MARCHF8: variants seen among roughly 807,000 people sequenced by gnomAD.
MARCHF8 encodes the protein E3 ubiquitin-protein ligase MARCHF8.
MARCHF8 carries 40 observed loss-of-function variants against 51.6 expected under a neutral mutation model. The observed-to-expected ratio is 0.77, with a 90% confidence interval of 0.60 to 1.01. The LOEUF (loss-of-function observed/expected upper bound fraction) is 1.01. MARCHF8 is among the 50% of genes least tolerant of loss of function. MARCHF8 has a pLI of 0.00. For synonymous variants in MARCHF8, 263 were observed against 280.3 expected (o/e 0.94, Z 0.62); for missense variants, 685 against 708.6 (o/e 0.97, Z 0.38).
chr10:45,543,521 G>A (rs764363733), intron 1 of MARCHF8, among the ~76,000 whole-genome samples: 10 of 152,132 alleles, frequency 6.6e-5, no homozygotes, highest in African/African-American at 1.4e-4. Flanking sequence ...GTATCTGGCC[G>A]GGCACGGTGG....
intron 2 of MARCHF8, among the ~76,000 whole-genome samples, chr10:45,517,212 C>T (rs544037885): frequency 2.6e-5 from 4 of 152,178 alleles, no homozygotes; most frequent in East Asian, 3.8e-4. Flanking sequence ...GGACTATACA[C>T]GTGAACAATT....
chr10:45,576,756 T>C (rs1349744181), intron 1 of MARCHF8, among the ~76,000 whole-genome samples: 2 of 147,142 alleles, frequency 1.4e-5, no homozygotes, highest in East Asian at 2.0e-4. Context: ...GCTTCATCTC[T>C]ACTACAAATA....
chr10:45,533,373 T>C (rs2043921286), intron 1 of MARCHF8, 84 bp from the exon 2 acceptor site: 6 of 749,632 alleles, frequency 8.0e-6, no homozygotes, highest in Non-Finnish European at 1.1e-5. Flanking sequence ...TTTATACTTA[T>C]ATTCATATGT....
chr10:45,485,028 GT>G (rs2133062817), intron 3 of MARCHF8, among the ~76,000 whole-genome samples: 1 of 152,342 alleles, frequency 6.6e-6, no homozygotes, highest in African/African-American at 2.4e-5. Context: ...TACTGCAGGA[GT>G]TTAGGAGGCC....
intron 2 of MARCHF8, among the ~76,000 whole-genome samples, chr10:45,529,535 A>G (rs911722169): frequency 1.3e-5 from 2 of 152,170 alleles, no homozygotes; most frequent in Admixed American, 6.5e-5. Context: ...AAAACAGACA[A>G]TCTACAGAAC....
upstream of MARCHF8, among the ~76,000 whole-genome samples, chr10:45,536,392 CAG>C (rs1260064305): frequency 6.6e-6 from 1 of 151,440 alleles, no homozygotes; most frequent in East Asian, 1.9e-4. Flanking sequence ...AAAGGAAAAA[CAG>C]ACAAACTACA....
At chr10:45,578,373 T>C (rs2044513406) in intron 1 of MARCHF8, among the ~76,000 whole-genome samples, 3 of 152,172 alleles carry the variant, frequency 2.0e-5, no homozygotes, top group African/African-American at 7.2e-5. Context: ...ATGATTTTAG[T>C]ATCAAGATAA....
intron 1 of MARCHF8, among the ~76,000 whole-genome samples, chr10:45,578,118 A>C (rs2044510671): frequency 6.6e-6 from 1 of 152,220 alleles, no homozygotes; most frequent in African/African-American, 2.4e-5. Context: ...GAGTAGGCCT[A>C]GAAATAATGA....
At chr10:45,525,251 T>G (rs1372026477) in intron 2 of MARCHF8, among the ~76,000 whole-genome samples, 2 of 152,218 alleles carry the variant, frequency 1.3e-5, no homozygotes, top group African/African-American at 2.4e-5. Context: ...AAATCCTCCT[T>G]TTGACCTCAG....
At chr10:45,513,721 A>C (rs2043573767) in intron 2 of MARCHF8, among the ~76,000 whole-genome samples, 1 of 151,576 alleles carries the variant, frequency 6.6e-6, no homozygotes, top group Non-Finnish European at 1.5e-5. Flanking sequence ...GCAAATGGCA[A>C]CACTGGAACA....
chr10:45,512,427 C>G (rs1402123159), intron 2 of MARCHF8, among the ~76,000 whole-genome samples: 1 of 150,976 alleles, frequency 6.6e-6, no homozygotes, highest in Non-Finnish European at 1.5e-5. Flanking sequence ...GGCCAGCCAC[C>G]CCGTCCGGGA....
chr10:45,482,590 C>T (rs551789315), intron 3 of MARCHF8, among the ~76,000 whole-genome samples: 22 of 152,126 alleles, frequency 1.4e-4, no homozygotes, highest in Admixed American at 1.2e-3. Context: ...CCCATCACTA[C>T]TAAAAATACA....
intron 1 of MARCHF8, among the ~76,000 whole-genome samples, chr10:45,574,786 C>G (rs1434481366): frequency 2.0e-5 from 3 of 152,134 alleles, no homozygotes; most frequent in Non-Finnish European, 2.9e-5. Context: ...CTCATAACTT[C>G]CAAAATCTAT....
chr10:45,461,161 G>A lies in MARCHF8; in HGVS notation c.1269+70C>T, dbSNP rs1050848955. On this transcript the variant is annotated intron_variant, in intron 6 of 7. Transcript: ENST00000453424. ...GAACGCAGGCAAGCCATGACCTCAT[G>A]ATCTGAGACACCAGCTTTCTGGGGG... 4 of 1,249,390 alleles carry A rather than the reference G, an allele frequency of 3.2e-6. No individual in the cohort carries two copies. In the African/African-American group the frequency reaches 4.7e-5, roughly 15 times the overall value. The allele number at this position is 1,249,390 out of a possible 1,614,324, so 77.4% of individuals were successfully genotyped here.
At chr10:45,553,989 A>T (rs1447641290) in intron 1 of MARCHF8, among the ~76,000 whole-genome samples, 1 of 152,246 alleles carries the variant, frequency 6.6e-6, no homozygotes, top group African/African-American at 2.4e-5. Context: ...TGTTTAAAAA[A>T]TAATTGAAAA....
chr10:45,551,055 C>T (rs1468618302), intron 1 of MARCHF8, among the ~76,000 whole-genome samples: 1 of 152,014 alleles, frequency 6.6e-6, no homozygotes. Flanking sequence ...CGGATTTATT[C>T]CCATTTTATA....
In MARCHF8 at chr10:45,459,139, G is replaced by T. The variant is rs375160760; in HGVS notation, c.1398C>A (p.Ile466=). 1 of 1,613,964 alleles carries T rather than the reference G, an allele frequency of 6.2e-7. No homozygotes were observed. Among genetic ancestry groups the T allele is most frequent in the Admixed American group, 1.7e-5 (1 of 59,996 alleles). The change falls in exon 7 of 8, where the codon ATC becomes ATA. Residue 466 remains isoleucine (I), a synonymous_variant. Transcript: ENST00000453424. ...YVLIDRTAEE[I]KQGQATGILE... is the part of the protein sequence containing the mutation. Reference sequence around the variant, plus strand: ...ACTCACCTGTTGCCTGCCCCTGCTTGATCTCCTCAGCAGTACGGTCAATGA... The same window carrying T: ...ACTCACCTGTTGCCTGCCCCTGCTTTATCTCCTCAGCAGTACGGTCAATGA...
At chr10:45,532,016 G>C (rs1007238580) in intron 2 of MARCHF8, among the ~76,000 whole-genome samples, 3 of 152,154 alleles carry the variant, frequency 2.0e-5, no homozygotes, top group Non-Finnish European at 4.4e-5. Flanking sequence ...ACGGGGCCCT[G>C]CAAGTTCCTG....
intron 1 of MARCHF8, among the ~76,000 whole-genome samples, chr10:45,545,869 C>G (rs1272021813): frequency 6.6e-6 from 1 of 152,196 alleles, no homozygotes; most frequent in Non-Finnish European, 1.5e-5. Context: ...CTGTCTCACT[C>G]TCACTTAACC....
Sources: allele counts gnomAD v4.1 joint callset (sites outside exome capture counted in the v4.1 genomes callset), GRCh38; gene constraint gnomAD v4.1.1; transcripts MANE v1.5; gene names NCBI Gene and HGNC (gene_info 2026-07-23, HGNC 2026-07-21).